Variants in IL1RAPL2 observed in about 807,000 individuals in gnomAD.
The protein encoded by IL1RAPL2 is X-linked interleukin-1 receptor accessory protein-like 2.
A neutral mutation model predicts 44.1 loss-of-function variants in IL1RAPL2; 3 were observed. That is an observed-to-expected ratio of 0.07 (90% CI 0.03 to 0.18). The LOEUF (loss-of-function observed/expected upper bound fraction) is 0.18. IL1RAPL2 is among the 10% of genes least tolerant of loss of function. The pLI is 1.00. For synonymous variants in IL1RAPL2, 181 were observed against 178.8 expected, an observed-to-expected ratio of 1.01 and a Z score of -0.10; for missense variants, 391 against 496.4, an observed-to-expected ratio of 0.79 and a Z score of 2.02.
chrX:105,014,713 A>T (rs1309684743), intron 2 of IL1RAPL2, among the ~76,000 whole-genome samples: 2 of 112,455 alleles, frequency 1.8e-5, no homozygotes, highest in Non-Finnish European at 3.8e-5. Context: ...CCAGTCTATC[A>T]TTGATGGGCA....
At chrX:105,764,499 G>GTTGA (rs1185584393) in intron 10 of IL1RAPL2, among the ~76,000 whole-genome samples, 1 of 111,839 alleles carries the variant, frequency 8.9e-6, no homozygotes, top group East Asian at 2.8e-4. Context: ...TTTTCTTTAA[G>GTTGA]TTGATAGACT....
At chrX:105,655,666 C>T (rs1170903280) in intron 6 of IL1RAPL2, among the ~76,000 whole-genome samples, 1 of 112,129 alleles carries the variant, frequency 8.9e-6, no homozygotes, top group Admixed American at 9.4e-5. Context: ...GAATGGGTCA[C>T]AATTATATCA....
intron 8 of IL1RAPL2, among the ~76,000 whole-genome samples, chrX:105,748,152 A>C: frequency 9.0e-6 from 1 of 111,343 alleles, no homozygotes; most frequent in Non-Finnish European, 1.9e-5. Context: ...CTGATTAACT[A>C]CAGGTTAAGT....
At chrX:104,741,105 A>G (rs1164173804) in intron 2 of IL1RAPL2, among the ~76,000 whole-genome samples, 1 of 111,649 alleles carries the variant, frequency 9.0e-6, no homozygotes, top group Admixed American at 9.5e-5. Context: ...CCATTGTAAT[A>G]AGATTCATAC....
intron 6 of IL1RAPL2, among the ~76,000 whole-genome samples, chrX:105,620,634 C>T (rs2037412953): frequency 9.1e-6 from 1 of 109,786 alleles, no homozygotes; most frequent in South Asian, 3.9e-4. Context: ...GAACTTTCAT[C>T]TCCTCTGGCC....
intron 6 of IL1RAPL2, among the ~76,000 whole-genome samples, chrX:105,543,017 G>A (rs186777754): frequency 1.7e-3 from 185 of 111,365 alleles, no homozygotes; most frequent in Non-Finnish European, 1.8e-3. Flanking sequence ...AACTACCACT[G>A]TTTAATGAAA....
chrX:105,148,318 AT>A (rs2033197208), intron 2 of IL1RAPL2, among the ~76,000 whole-genome samples: 1 of 111,586 alleles, frequency 9.0e-6, no homozygotes, highest in Admixed American at 9.6e-5. Context: ...GGTAAGTGTA[AT>A]GTCGTAACTT....
At chrX:105,091,499 A>G (rs949144466) in intron 2 of IL1RAPL2, among the ~76,000 whole-genome samples, 21 of 110,992 alleles carry the variant, frequency 1.9e-4, no homozygotes, top group African/African-American at 5.9e-4. Flanking sequence ...AACACTGAAA[A>G]TCTTGTGTCC....
At chrX:104,809,276 G>T (rs1157351531) in intron 2 of IL1RAPL2, among the ~76,000 whole-genome samples, 3 of 111,713 alleles carry the variant, frequency 2.7e-5, no homozygotes, top group Non-Finnish European at 5.6e-5. Flanking sequence ...GGTATTTCTA[G>T]TTCTAGATCC....
At chrX:104,679,656 T>C (rs1038332662) in intron 2 of IL1RAPL2, among the ~76,000 whole-genome samples, 7 of 111,939 alleles carry the variant, frequency 6.3e-5, no homozygotes, top group Non-Finnish European at 1.1e-4. Flanking sequence ...GCTTCTTGGA[T>C]CTACCACTTT....
chrX:105,631,937 C>G (rs917062767), intron 6 of IL1RAPL2, among the ~76,000 whole-genome samples: 11 of 111,200 alleles, frequency 9.9e-5, no homozygotes, highest in Non-Finnish European at 1.9e-4. Flanking sequence ...ACAGTCTTCC[C>G]TCTTCCTCAT....
At chrX:105,476,928 A>G (rs1252678587) in intron 5 of IL1RAPL2, among the ~76,000 whole-genome samples, 2 of 112,113 alleles carry the variant, frequency 1.8e-5, no homozygotes, top group Non-Finnish European at 3.8e-5. Flanking sequence ...GTAAGTCAAG[A>G]AAGGGGCCCT....
chrX:105,766,866 T>A (rs773141975), intron 10 of IL1RAPL2, 98 bp from the exon 11 acceptor site: 9 of 546,841 alleles, frequency 1.6e-5, no homozygotes, highest in Non-Finnish European at 2.7e-5. Flanking sequence ...TGGACTTTAG[T>A]GAGAGACTGG....
chrX:104,688,095 GC>G (rs1033514328), intron 2 of IL1RAPL2, among the ~76,000 whole-genome samples: 8 of 111,820 alleles, frequency 7.2e-5, no homozygotes, highest in Non-Finnish European at 1.1e-4. Context: ...TGCTGCTGTA[GC>G]CAAACTGTCA....
chrX:105,224,151 AG>A (rs1478615296), intron 3 of IL1RAPL2, among the ~76,000 whole-genome samples: 3 of 110,961 alleles, frequency 2.7e-5, no homozygotes, highest in Non-Finnish European at 5.7e-5. Context: ...GGTCTTGGAA[AG>A]GGTAGCAGAT....
intron 8 of IL1RAPL2, among the ~76,000 whole-genome samples, chrX:105,744,589 A>T (rs778312110): frequency 8.9e-6 from 1 of 111,789 alleles, no homozygotes; most frequent in African/African-American, 3.3e-5. Context: ...TTAAGTGATC[A>T]TCATGGAGAA....
chrX:104,570,754 G>A (rs1928129961), intron 1 of IL1RAPL2, among the ~76,000 whole-genome samples: 1 of 111,800 alleles, frequency 8.9e-6, no homozygotes, highest in Non-Finnish European at 1.9e-5. Flanking sequence ...GTGCCAAGAA[G>A]CCTAGATTTA....
At chrX:104,966,851 T>G (rs1234424380) in intron 2 of IL1RAPL2, among the ~76,000 whole-genome samples, 1 of 112,523 alleles carries the variant, frequency 8.9e-6, no homozygotes, top group African/African-American at 3.2e-5. Flanking sequence ...TGAACATATC[T>G]TTTTCCAATA....
At chrX:105,174,718 C>T (rs1276643724) in intron 2 of IL1RAPL2, among the ~76,000 whole-genome samples, 1 of 111,371 alleles carries the variant, frequency 9.0e-6, no homozygotes, top group Non-Finnish European at 1.9e-5. Flanking sequence ...CTGCTGCCAA[C>T]ATAAGGAGGG....
Sources: allele counts gnomAD v4.1 joint callset (sites outside exome capture counted in the v4.1 genomes callset), GRCh38; gene constraint gnomAD v4.1.1; transcripts MANE v1.5; gene names NCBI Gene and HGNC (gene_info 2026-07-23, HGNC 2026-07-21).